ELL: variants seen among roughly 807,000 people sequenced by gnomAD.
ELL encodes RNA polymerase II elongation factor ELL.
In ELL, 18 loss-of-function variants were observed where a neutral mutation model predicts 64.0. The observed-to-expected ratio is 0.28, with a 90% confidence interval of 0.19 to 0.42. ELL has a LOEUF of 0.42. Ranked by LOEUF, ELL falls within the 10% of genes least tolerant of loss-of-function variation. The pLI is 1.00. For synonymous variants in ELL, 399 were observed against 376.2 expected, an observed-to-expected ratio of 1.06 and a Z score of -0.70; for missense variants, 797 against 870.4, an observed-to-expected ratio of 0.92 and a Z score of 1.06.
rs748950436 is a variant in ELL, at chr19:18,472,886, TAAAAAAAAAA to T, written c.136-14_136-5del. ...ATGGCCTCAGTGAAACAGAATCCTATAAAAAAAAAAAAAAAAAAAAAAAGGTGAGGGGAAC... is the reference window on the plus strand; with the variant it reads ...ATGGCCTCAGTGAAACAGAATCCTATAAAAAAAAAAAAAGGTGAGGGGAAC... On this transcript the variant is annotated splice_region_variant and splice_polypyrimidine_tract_variant and intron_variant, in intron 1 of 11. Coordinates refer to ENST00000262809, the MANE Select transcript of ELL (RefSeq NM_006532.4). 3 of 1,213,068 alleles carry T rather than the reference TAAAAAAAAAA, an allele frequency of 2.5e-6. No individual in the cohort carries two copies. Among genetic ancestry groups the T allele is most frequent in the Non-Finnish European group, 3.1e-6 (3 of 961,854 alleles). The allele number at this position is 1,213,068 out of a possible 1,614,324, so 75.1% of individuals were successfully genotyped here. A position where few individuals can be genotyped will look rare whatever the true frequency, so the allele number is the denominator to read the frequency against.
chr19:18,461,060 T>C (rs977873664), intron 5 of ELL, among the ~76,000 whole-genome samples: 10 of 152,118 alleles, frequency 6.6e-5, no homozygotes, highest in African/African-American at 1.9e-4. Context: ...CAGCACCACA[T>C]TCCAGATGGC....
chr19:18,514,374 T>G (rs1157383667), intron 1 of ELL, among the ~76,000 whole-genome samples: 2 of 150,658 alleles, frequency 1.3e-5, no homozygotes, highest in African/African-American at 4.9e-5. Context: ...ATTAGCCGGG[T>G]GTGGTGACGG....
At chr19:18,458,480 G>A (rs936452552) in intron 5 of ELL, 151 bp from the exon 6 acceptor site, 13 of 1,205,866 alleles carry the variant, frequency 1.1e-5, no homozygotes, top group African/African-American at 1.6e-5. Flanking sequence ...GCCCACTACC[G>A]ATCCGTGATG....
At chr19:18,467,030 G>A (rs1974952758) in intron 2 of ELL, among the ~76,000 whole-genome samples, 1 of 152,182 alleles carries the variant, frequency 6.6e-6, no homozygotes, top group Non-Finnish European at 1.5e-5. Flanking sequence ...ACACGTGGAG[G>A]AGCACCAATC....
chr19:18,460,710 T>C (rs1313675654), intron 5 of ELL, among the ~76,000 whole-genome samples: 1 of 152,196 alleles, frequency 6.6e-6, no homozygotes, highest in Admixed American at 6.5e-5. Flanking sequence ...TGCCACAGCA[T>C]GTGCTTTTTG....
At chr19:18,477,515 T>C (rs1328006604) in intron 1 of ELL, among the ~76,000 whole-genome samples, 7 of 152,136 alleles carry the variant, frequency 4.6e-5, no homozygotes, top group African/African-American at 9.7e-5. Flanking sequence ...TACCAGGTCG[T>C]GGCGCATCAT....
intron 1 of ELL, among the ~76,000 whole-genome samples, chr19:18,477,220 C>A (rs1463321609): frequency 1.3e-5 from 2 of 152,150 alleles, no homozygotes; most frequent in African/African-American, 2.4e-5. Flanking sequence ...CGGAATGAAA[C>A]GGCCACTAGG....
intron 1 of ELL, among the ~76,000 whole-genome samples, chr19:18,508,852 G>C (rs1044720086): frequency 6.6e-6 from 1 of 152,174 alleles, no homozygotes; most frequent in African/African-American, 2.4e-5. Flanking sequence ...CCAGCCCTTT[G>C]GCCACAGTTT....
At chr19:18,468,966 T>C (rs1019624124) in intron 2 of ELL, among the ~76,000 whole-genome samples, 1 of 152,180 alleles carries the variant, frequency 6.6e-6, no homozygotes, top group East Asian at 1.9e-4. Flanking sequence ...AGGGGCTTCA[T>C]AGTGGCCCTT....
rs527784788 is a variant in ELL at position 18,464,763 on chromosome 19, C to T, written c.469+649G>A. On this transcript the variant is annotated intron_variant, in intron 4 of 11. Coordinates refer to ENST00000262809, the MANE Select transcript of ELL (RefSeq NM_006532.4). ...TAATGAGTTCCCATGACTCCTGGAG[C>T]TCTGCCTGGACTAAGAGGCGGGGTG... Among the ~76,000 whole-genome samples the T allele has an allele frequency of 2.6e-5, 4 of 152,368 alleles. No individual in the cohort carries two copies. In the South Asian group the frequency reaches 8.3e-4, roughly 32 times the overall value.
chr19:18,470,634 G>A (rs769803638), intron 2 of ELL, among the ~76,000 whole-genome samples: 2 of 152,230 alleles, frequency 1.3e-5, no homozygotes, highest in Non-Finnish European at 1.5e-5. Context: ...ATGACATCCC[G>A]TCTAGGGGTG....
chr19:18,451,177 A>AGG (rs948585719), intron 7 of ELL, among the ~76,000 whole-genome samples: 5 of 152,168 alleles, frequency 3.3e-5, no homozygotes, highest in African/African-American at 1.2e-4. Context: ...GGATCGATGC[A>AGG]GGGGGAGGGC....
intron 1 of ELL, among the ~76,000 whole-genome samples, chr19:18,502,811 A>G (rs1170544347): frequency 6.6e-6 from 1 of 152,210 alleles, no homozygotes; most frequent in African/African-American, 2.4e-5. Flanking sequence ...CTTCTGAGAC[A>G]ACTTAGGGAA....
At chr19:18,456,702 G>A (rs1210966200) in intron 6 of ELL, among the ~76,000 whole-genome samples, 2 of 152,070 alleles carry the variant, frequency 1.3e-5, no homozygotes, top group African/African-American at 4.8e-5. Context: ...GATCGGGTTT[G>A]GACATCATGA....
intron 1 of ELL, among the ~76,000 whole-genome samples, chr19:18,478,956 G>C (rs1307384803): frequency 1.3e-5 from 2 of 152,224 alleles, no homozygotes; most frequent in Non-Finnish European, 2.9e-5. Context: ...AGTCCTCAAT[G>C]CTGAGACAGA....
chr19:18,519,198 C>T (rs1268219121), intron 1 of ELL, among the ~76,000 whole-genome samples: 1 of 150,976 alleles, frequency 6.6e-6, no homozygotes, highest in African/African-American at 2.4e-5. Context: ...CACCACTGCA[C>T]TCCAGCCTGG....
At chr19:18,477,866 T>A (rs1485903358) in intron 1 of ELL, among the ~76,000 whole-genome samples, 2 of 152,186 alleles carry the variant, frequency 1.3e-5, no homozygotes, top group African/African-American at 4.8e-5. Context: ...CTTATGATGT[T>A]TCTGCAAAAG....
In ELL at chr19:18,451,788, T is replaced by A. The variant is rs972105525; in HGVS notation, c.870-140A>T. 6.3e-6 allele frequency: 4 copies of A among 638,900 alleles called. No homozygotes were observed. The African/African-American group carries it at 7.8e-5, about 12-fold the overall frequency. The allele number at this position is 638,900 out of a possible 1,614,324, so 39.6% of individuals were successfully genotyped here. A position where few individuals can be genotyped will look rare whatever the true frequency, so the allele number is the denominator to read the frequency against. ...CCAAATCCAGAGCAGGGCCAAGGGG[T>A]CACAGGAGCCTGGGCCTGAGGCCAT... On this transcript the variant is annotated intron_variant, in intron 6 of 11. Transcript: ENST00000262809.
At chr19:18,500,028 G>A (rs1265672130) in intron 1 of ELL, among the ~76,000 whole-genome samples, 5 of 152,344 alleles carry the variant, frequency 3.3e-5, no homozygotes, top group Admixed American at 6.5e-5. Context: ...TTGGGAAGCC[G>A]AGGCGAGCAG....
Sources: allele counts gnomAD v4.1 joint callset (sites outside exome capture counted in the v4.1 genomes callset), GRCh38; gene constraint gnomAD v4.1.1; transcripts MANE v1.5; gene names NCBI Gene and HGNC (gene_info 2026-07-23, HGNC 2026-07-21).